Variants in TRMT10C observed in about 807,000 individuals in gnomAD.
TRMT10C encodes tRNA methyltransferase 10 homolog C.
A neutral mutation model predicts 27.4 loss-of-function variants in TRMT10C; 14 were observed. That is an observed-to-expected ratio of 0.51 (90% CI 0.34 to 0.80). The LOEUF is 0.80. Ranked by LOEUF, TRMT10C falls within the 30% of genes least tolerant of loss-of-function variation. TRMT10C has a pLI of 0.02. For synonymous variants in TRMT10C, 143 were observed against 155.9 expected, an observed-to-expected ratio of 0.92 and a Z score of 0.62; for missense variants, 438 against 464.8, an observed-to-expected ratio of 0.94 and a Z score of 0.53.
At chr3:101,563,696 C>T (rs568209637) in intron 1 of TRMT10C, among the ~76,000 whole-genome samples, 14 of 152,268 alleles carry the variant, frequency 9.2e-5, no homozygotes, top group African/African-American at 3.4e-4. Context: ...GTTTTATTTG[C>T]ATTTTGTAAA....
rs1215426375 is a variant in TRMT10C at position 101,564,929 on chromosome 3, C to T, written c.148C>T (p.Pro50Ser). The change falls in exon 2 of 2, where the codon CCT becomes TCT. Residue 50 changes from proline (P) to serine (S), a missense_variant. Physicochemically the swap from Pro to Ser is moderately conservative, Grantham distance 74 (BLOSUM62 -1). Coordinates refer to ENST00000309922, the MANE Select transcript of TRMT10C (RefSeq NM_017819.4). Reference sequence around the variant, plus strand: ...TTCCAAAATACCAGCTGTTACTTATCCTAAAAATGAGAGTACACCCCCTTC... The same window carrying T: ...TTCCAAAATACCAGCTGTTACTTATTCTAAAAATGAGAGTACACCCCCTTC... ...MSSKIPAVTYPKNESTPPSEE... is the reference protein window; with the variant it reads ...MSSKIPAVTYSKNESTPPSEE... 1.9e-6 allele frequency: 3 copies of T among 1,613,562 alleles called. No individual in the cohort carries two copies. The highest frequency in any genetic ancestry group is 1.3e-5 in the African/African-American group (1 of 74,824).
chr3:101,562,074 C>G (rs1934424679), intron 1 of TRMT10C, 71 bp downstream of exon 1: 1 of 152,152 alleles, frequency 6.6e-6, no homozygotes, highest in African/African-American at 2.4e-5. Context: ...TTCCAAGATG[C>G]ACTTAGTGGA....
rs1312687526 is a variant in TRMT10C, at chr3:101,565,901, C to CA, written c.1122dup (p.Phe375IlefsTer38). 6.2e-7 allele frequency: 1 copy of CA among 1,614,028 alleles called. No individual in the cohort carries two copies. Among genetic ancestry groups the CA allele is most frequent in the Non-Finnish European group, 8.5e-7 (1 of 1,180,018 alleles). On this transcript the variant is annotated frameshift_variant, in exon 2 of 2. Transcript: ENST00000309922. LOFTEE classifies it low-confidence loss of function (END_TRUNC). ...CAATGGTAATTGGCAAGAGGCTCTGCAATTCGTTCCCAAGAGAAAACATAC... is the reference window on the plus strand; with the variant it reads ...CAATGGTAATTGGCAAGAGGCTCTGCAAATTCGTTCCCAAGAGAAAACATAC...
chr3:101,564,688 T>G lies in TRMT10C; in HGVS notation c.-12-82T>G, dbSNP rs1934479613. 3 of 1,343,948 alleles carry G rather than the reference T, an allele frequency of 2.2e-6. No homozygotes were observed. In the African/African-American group the frequency reaches 4.4e-5, roughly 20 times the overall value. 83.3% of individuals were successfully genotyped at this position (1,343,948 alleles called of 1,614,324 possible). A position where few individuals can be genotyped will look rare whatever the true frequency, so the allele number is the denominator to read the frequency against. ...TCAAAAATTGATTTTATTTTGCTAT[T>G]TCAAATTTATACTTGCACAATTAGT... On this transcript the variant is annotated intron_variant, in intron 1 of 1. Coordinates refer to ENST00000309922, the MANE Select transcript of TRMT10C (RefSeq NM_017819.4).
In TRMT10C at chr3:101,566,025, A is replaced by G. The variant is rs763629001; in HGVS notation, c.*32A>G. On this transcript the variant is annotated 3_prime_UTR_variant, in exon 2 of 2. Transcript: ENST00000309922. ...TTCAAAAGGTTCTCTGAATGTGCACAGAACACGTGGCTCAAATGAGAACAT... is the reference window on the plus strand; with the variant it reads ...TTCAAAAGGTTCTCTGAATGTGCACGGAACACGTGGCTCAAATGAGAACAT... The G allele has an allele frequency of 6.5e-7, 1 of 1,546,584 alleles. No homozygotes were observed. The highest frequency in any genetic ancestry group is 8.7e-7 in the Non-Finnish European group (1 of 1,149,778).
chr3:101,566,019 G>C lies in TRMT10C; in HGVS notation c.*26G>C. 6.4e-7 allele frequency: 1 copy of C among 1,567,176 alleles called. No individual in the cohort carries two copies. Among genetic ancestry groups the C allele is most frequent in the Non-Finnish European group, 8.6e-7 (1 of 1,158,850 alleles). On this transcript the variant is annotated 3_prime_UTR_variant, in exon 2 of 2. Transcript: ENST00000309922. ...TTCATTTTCAAAAGGTTCTCTGAATGTGCACAGAACACGTGGCTCAAATGA... is the reference window on the plus strand; with the variant it reads ...TTCATTTTCAAAAGGTTCTCTGAATCTGCACAGAACACGTGGCTCAAATGA...
chr3:101,562,642 C>G (rs989293778), intron 1 of TRMT10C, among the ~76,000 whole-genome samples: 1 of 150,544 alleles, frequency 6.6e-6, no homozygotes, highest in African/African-American at 2.4e-5. Context: ...AGCGAGACTC[C>G]GTCTCAAAAA....
At position 101,565,921 on chromosome 3, in the gene TRMT10C, A is replaced by ATCTC; in HGVS notation, c.1140_1141insTCTC (p.His381SerfsTer33). On this transcript the variant is annotated frameshift_variant, in exon 2 of 2. Coordinates refer to ENST00000309922, the MANE Select transcript of TRMT10C (RefSeq NM_017819.4). LOFTEE classifies it low-confidence loss of function (END_TRUNC). ...CTCTGCAATTCGTTCCCAAGAGAAA[A>ATCTC]CATACTGGTTTTCTGGAGATTTCTC... 5 of 1,614,036 alleles carry ATCTC rather than the reference A, an allele frequency of 3.1e-6. No homozygotes were observed. Among genetic ancestry groups the ATCTC allele is most frequent in the Non-Finnish European group, 4.2e-6 (5 of 1,179,992 alleles).
chr3:101,565,194 C>T lies in TRMT10C; in HGVS notation c.413C>T (p.Thr138Met), dbSNP rs775816218. 1.1e-5 allele frequency: 18 copies of T among 1,571,470 alleles called. No individual in the cohort carries two copies. Among genetic ancestry groups the T allele is most frequent in the African/African-American group, 2.8e-5 (2 of 71,632 alleles). Residue 138 changes from threonine to methionine, a missense_variant, in exon 2 of 2, where the codon ACG (threonine) becomes ATG (methionine). This residue lies in a region of TRMT10C where 350 missense variants were observed against 370.5 expected (regional missense o/e 0.94). Transcript: ENST00000309922. ...AKKKYLKYLY[T>M]KEKVKKARQI... The stretch of plus-strand genomic sequence containing the variant: ...AAAAAATATTTAAAATATTTATATA[C>T]GAAGGAAAAAGTGAAAAAAGCTAGG...
At position 101,564,861 on chromosome 3, in the gene TRMT10C, A is replaced by T; in HGVS notation, c.80A>T (p.His27Leu). The T allele has an allele frequency of 6.2e-7, 1 of 1,614,038 alleles. No individual in the cohort carries two copies. The highest frequency in any genetic ancestry group is 8.5e-7 in the Non-Finnish European group (1 of 1,179,948). ...AGGTTTTTGGTGCCATTTACCCTTC[A>T]TAGGAAGAGAAATAACTTAACAATT... is the stretch of plus-strand genomic sequence containing the variant. ...FTRFLVPFTL[H>L]RKRNNLTILQ... is the part of the protein sequence containing the mutation. The change falls in exon 2 of 2, where the codon CAT becomes CTT. Residue 27 changes from histidine to leucine, a missense_variant. Around this residue, in one of 3 missense-constraint regions of TRMT10C, gnomAD observed 350 missense variants for 370.5 expected, o/e 0.94. Coordinates refer to ENST00000309922, the MANE Select transcript of TRMT10C (RefSeq NM_017819.4).
chr3:101,565,315 ATTT>A lies in TRMT10C; in HGVS notation c.537_539del (p.Phe179del). On this transcript the variant is annotated inframe_deletion, in exon 2 of 2. Transcript: ENST00000309922. ...AGGAAGATAAACAGAAAAACTTTCT[ATTT>A]TTACGACTTTGGGATAGGAATATGG... 1.2e-6 allele frequency: 2 copies of A among 1,613,586 alleles called. No homozygotes were observed. Among genetic ancestry groups the A allele is most frequent in the Non-Finnish European group, 1.7e-6 (2 of 1,179,858 alleles).
chr3:101,565,876 C>T lies in TRMT10C; in HGVS notation c.1095C>T (p.Asn365=). The change falls in exon 2 of 2, where the codon AAC becomes AAT. Residue 365 remains asparagine, a synonymous_variant. Coordinates refer to ENST00000309922, the MANE Select transcript of TRMT10C (RefSeq NM_017819.4). ...QMIRILLCLK[N]NGNWQEALQF... ...TACGTATTTTGTTATGTCTGAAAAA[C>T]AATGGTAATTGGCAAGAGGCTCTGC... 6.2e-7 allele frequency: 1 copy of T among 1,614,094 alleles called. No individual in the cohort carries two copies.
rs1934510582 is a variant in TRMT10C, at chr3:101,566,124, C to G, written c.*131C>G. 1.8e-6 allele frequency: 2 copies of G among 1,113,218 alleles called. No individual in the cohort carries two copies. Among genetic ancestry groups the G allele is most frequent in the South Asian group, 1.8e-5 (1 of 55,782 alleles). 69.0% of individuals were successfully genotyped at this position (1,113,218 alleles called of 1,614,324 possible). ...ATTTCTTCCCAAACAATTCATTTTT[C>G]TCTTCTAAAGGTAGTCTTTCCCAAC... On this transcript the variant is annotated 3_prime_UTR_variant, in exon 2 of 2. Transcript: ENST00000309922.
Position 101,561,950 on chromosome 3 carries a change from C to T in TRMT10C, c.-66C>T, listed in dbSNP as rs1039540547. 6.5e-6 allele frequency: 1 copy of T among 153,050 alleles called. No individual in the cohort carries two copies. The highest frequency in any genetic ancestry group is 2.4e-5 in the African/African-American group (1 of 41,472). The allele number at this position is 153,050 out of a possible 1,614,324, so 9.5% of individuals were successfully genotyped here. On this transcript the variant is annotated 5_prime_UTR_variant, in exon 1 of 2. Coordinates refer to ENST00000309922, the MANE Select transcript of TRMT10C (RefSeq NM_017819.4). ...GCGTCCGTACGTCGGAGTCCTTCGTCCTCCAGGGTCCCTGTTCTTTGCGCC... is the reference window on the plus strand; with the variant it reads ...GCGTCCGTACGTCGGAGTCCTTCGTTCTCCAGGGTCCCTGTTCTTTGCGCC...
Position 101,565,834 on chromosome 3 carries a change from CA to C in TRMT10C, c.1054del (p.Thr352ProfsTer2), listed in dbSNP as rs1559949786. On this transcript the variant is annotated frameshift_variant, in exon 2 of 2. Coordinates refer to ENST00000309922, the MANE Select transcript of TRMT10C (RefSeq NM_017819.4). LOFTEE classifies it high-confidence loss of function. The part of the protein sequence containing the change: ...LQWEIGNKNL[T>X]LDQMIRILLC... ...AATGGGAAATTGGTAACAAAAATCT[CA>C]CCTTAGATCAAATGATACGTATTTT... 6.2e-7 allele frequency: 1 copy of C among 1,614,126 alleles called. No homozygotes were observed. The highest frequency in any genetic ancestry group is 8.5e-7 in the Non-Finnish European group (1 of 1,179,984).
Position 101,565,501 on chromosome 3 carries a change from T to C in TRMT10C, c.720T>C (p.Pro240=). ...SEGWNRRNVD[P]FHIYFCNLKI... ...GATGGAACAGAAGAAATGTTGATCCTTTCCATATTTATTTCTGCAATCTAA... is the reference window on the plus strand; with the variant it reads ...GATGGAACAGAAGAAATGTTGATCCCTTCCATATTTATTTCTGCAATCTAA... Residue 240 remains proline (P), a synonymous_variant, in exon 2 of 2, where the codon CCT becomes CCC. Coordinates refer to ENST00000309922, the MANE Select transcript of TRMT10C (RefSeq NM_017819.4). 1 of 1,613,576 alleles carries C rather than the reference T, an allele frequency of 6.2e-7. No homozygotes were observed.
At chr3:101,564,411 C>T (rs1311421952) in intron 1 of TRMT10C, among the ~76,000 whole-genome samples, 1 of 151,886 alleles carries the variant, frequency 6.6e-6, no homozygotes, top group Non-Finnish European at 1.5e-5. Flanking sequence ...GTGCTTGCCA[C>T]CATACCTGGC....
At position 101,565,038 on chromosome 3, in the gene TRMT10C, A is replaced by G. The variant is rs1430872824; in HGVS notation, c.257A>G (p.Lys86Arg). ...TGTGTTTCAACAATCTCAAGCAGTA[A>G]GGATGAAGATCCTCTAGCTGCCACC... ...EECVSTISSS[K>R]DEDPLAATRE... is the part of the protein sequence containing the mutation. Residue 86 changes from lysine (K) to arginine (R), a missense_variant, in exon 2 of 2, where the codon AAG becomes AGG. Physicochemically the swap from Lys to Arg is conservative, Grantham distance 26. Transcript: ENST00000309922. 7.4e-6 allele frequency: 12 copies of G among 1,613,990 alleles called. No homozygotes were observed. Among genetic ancestry groups the G allele is most frequent in the Non-Finnish European group, 1.7e-6 (2 of 1,180,026 alleles).
chr3:101,565,990 T>G lies in TRMT10C; in HGVS notation c.1209T>G (p.Thr403=), dbSNP rs952843761. Residue 403 remains threonine, a synonymous_variant, in exon 2 of 2, where the codon ACT becomes ACG. Transcript: ENST00000309922. ...EFINRLKKAK[T] ...TCAACAGACTAAAGAAGGCAAAGAC[T>G]TAATTCATTTTCAAAAGGTTCTCTG... 3 of 1,584,936 alleles carry G rather than the reference T, an allele frequency of 1.9e-6. No homozygotes were observed. The highest frequency in any genetic ancestry group is 2.6e-6 in the Non-Finnish European group (3 of 1,167,022).
Sources: allele counts gnomAD v4.1 joint callset (sites outside exome capture counted in the v4.1 genomes callset), GRCh38; gene constraint gnomAD v4.1.1; regional missense constraint gnomAD v4.1.1; transcripts MANE v1.5; gene names NCBI Gene and HGNC (gene_info 2026-07-23, HGNC 2026-07-21).